ADGRG2: variants seen among roughly 807,000 people sequenced by gnomAD.
The protein encoded by ADGRG2 is G protein-coupled receptor 64.
ADGRG2 carries 26 observed loss-of-function variants against 74.1 expected under a neutral mutation model. The observed-to-expected ratio is 0.35, with a 90% CI of 0.26 to 0.49. ADGRG2 has a LOEUF of 0.49. ADGRG2 is among the 20% of genes least tolerant of loss of function. The pLI, the probability that ADGRG2 is intolerant of heterozygous loss-of-function variation, is 0.99. For missense variants in ADGRG2, 619 were observed against 763.1 expected, an observed-to-expected ratio of 0.81 and a Z score of 2.22; for synonymous variants, 296 against 295.2, an observed-to-expected ratio of 1.00 and a Z score of -0.03.
chrX:19,018,111 C>CTTTTAT (rs202100204), intron 15 of ADGRG2, among the ~76,000 whole-genome samples: 3 of 110,331 alleles, frequency 2.7e-5, no homozygotes, highest in East Asian at 2.8e-4. Flanking sequence ...GCCAGCAGGG[C>CTTTTAT]TTTTATTTTT....
chrX:18,996,077 C>G lies in ADGRG2; in HGVS notation c.2690G>C (p.Gly897Ala). ...RKQWRRYLCC[G>A]KLRLAENSDW... is the part of the protein sequence containing the mutation. ...AGAATTTTCAGCCAGCCGTAACTTT[C>G]CACAACAAAGATACCGCCTCCATTG... The change falls in exon 27 of 29, where the codon GGA becomes GCA. Residue 897 changes from glycine to alanine, a missense_variant. Gly to Ala is a moderately conservative substitution (Grantham distance 60). Coordinates refer to ENST00000379869, the MANE Select transcript of ADGRG2 (RefSeq NM_001079858.3). 8.5e-7 allele frequency: 1 copy of G among 1,176,249 alleles called. No homozygotes were observed. The highest frequency in any genetic ancestry group is 1.2e-6 in the Non-Finnish European group (1 of 864,225).
At position 18,999,039 on chromosome X, in the gene ADGRG2, G is replaced by A. The variant is rs749253033; in HGVS notation, c.2571C>T (p.Asn857=). The A allele has an allele frequency of 3.2e-5, 39 of 1,206,549 alleles. No homozygotes were observed. The highest frequency in any genetic ancestry group is 1.6e-4 in the South Asian group (9 of 56,697). The change falls in exon 26 of 29, where the codon AAC becomes AAT. Residue 857 remains asparagine, a synonymous_variant. Coordinates refer to ENST00000379869, the MANE Select transcript of ADGRG2 (RefSeq NM_001079858.3). ...GFAFFAWGPV[N]VTFMYLFAIF... ...TGGCAAACAGATACATGAAGGTCAC[G>A]TTAACTGGTCCCCAGGCAAAGAAGG...
intron 3 of ADGRG2, among the ~76,000 whole-genome samples, chrX:19,042,244 G>A (rs986591315): frequency 1.8e-5 from 2 of 111,794 alleles, no homozygotes; most frequent in Admixed American, 9.5e-5. Flanking sequence ...ACTGGGCAAC[G>A]TGGGAAAGCC....
At chrX:19,100,017 G>A (rs750386475) in intron 1 of ADGRG2, among the ~76,000 whole-genome samples, 29 of 111,427 alleles carry the variant, frequency 2.6e-4, no homozygotes, top group Non-Finnish European at 4.5e-4. Flanking sequence ...CTGGACAACA[G>A]AGCAAGACCC....
intron 26 of ADGRG2, among the ~76,000 whole-genome samples, chrX:18,997,510 C>A (rs1395981895): frequency 8.9e-6 from 1 of 111,854 alleles, no homozygotes; most frequent in East Asian, 2.8e-4. Context: ...TTCAGTATTG[C>A]CGTGGTTGGC....
intron 3 of ADGRG2, among the ~76,000 whole-genome samples, chrX:19,055,560 C>T (rs1443691247): frequency 9.0e-6 from 1 of 111,106 alleles, no homozygotes; most frequent in Non-Finnish European, 1.9e-5. Flanking sequence ...AGATATAGAG[C>T]ACTTCCGTTA....
At position 19,069,354 on chromosome X, in the gene ADGRG2, GTTTGT is replaced by G. The variant is rs1192371831; in HGVS notation, c.-1-524_-1-520del. On this transcript the variant is annotated intron_variant, in intron 2 of 28. Coordinates refer to ENST00000379869, the MANE Select transcript of ADGRG2 (RefSeq NM_001079858.3). ...CCCAGCTCCTATTCATGTTTTTTTTGTTTGTTTTTTGTTTTTTTTGAGACGGAGTT... is the reference window on the plus strand; with the variant it reads ...CCCAGCTCCTATTCATGTTTTTTTTGTTTTTGTTTTTTTTGAGACGGAGTT... 1.1e-3 allele frequency among the ~76,000 whole-genome samples: 127 copies of G among 110,455 alleles called. 1 individual carries two copies. The highest frequency in any genetic ancestry group is 4.0e-3 in the African/African-American group (121 of 30,248).
chrX:19,058,569 G>A (rs1330394707), intron 3 of ADGRG2, among the ~76,000 whole-genome samples: 1 of 111,633 alleles, frequency 9.0e-6, no homozygotes, highest in Admixed American at 9.6e-5. Flanking sequence ...TTATATCTTT[G>A]TTTATCTCTT....
intron 26 of ADGRG2, among the ~76,000 whole-genome samples, chrX:18,996,358 TTAAG>T (rs762566147): frequency 9.0e-6 from 1 of 111,398 alleles, no homozygotes; most frequent in South Asian, 3.8e-4. Flanking sequence ...CTTTGTAAGA[TTAAG>T]AATATTTATA....
chrX:19,020,023 TAA>T (rs754161113), intron 14 of ADGRG2, among the ~76,000 whole-genome samples: 1 of 111,526 alleles, frequency 9.0e-6, no homozygotes, highest in African/African-American at 3.3e-5. Context: ...ATGTGGAATC[TAA>T]AAAGTCAAAC....
chrX:19,032,570 C>T (rs1214948481), intron 8 of ADGRG2: 4 of 111,396 alleles, frequency 3.6e-5, no homozygotes, highest in Admixed American at 1.9e-4. Flanking sequence ...TTTTGTTTTT[C>T]CTACTGCTAG....
chrX:19,009,795 G>T lies in ADGRG2; in HGVS notation c.1266-13C>A, dbSNP rs1447018405. On this transcript the variant is annotated splice_polypyrimidine_tract_variant and intron_variant, in intron 17 of 28. Coordinates refer to ENST00000379869, the MANE Select transcript of ADGRG2 (RefSeq NM_001079858.3). The stretch of plus-strand genomic sequence containing the variant: ...TACTTTCAGCAATCTGTAAAGAAAG[G>T]TTGGCAGTTTATTATTTATTTATTT... The T allele has an allele frequency of 1.0e-5, 12 of 1,160,603 alleles. No homozygotes were observed. The highest frequency in any genetic ancestry group is 5.7e-5 in the South Asian group (3 of 53,006).
chrX:19,066,003 C>T (rs1290271625), intron 3 of ADGRG2, among the ~76,000 whole-genome samples: 3 of 111,876 alleles, frequency 2.7e-5, no homozygotes, highest in African/African-American at 9.7e-5. Flanking sequence ...TGCACCACCA[C>T]GCCCGGCTAA....
At position 19,045,599 on chromosome X, in the gene ADGRG2, C is replaced by T. The variant is rs772832707; in HGVS notation, c.119-5375G>A. On this transcript the variant is annotated intron_variant, in intron 3 of 28. Coordinates refer to ENST00000379869, the MANE Select transcript of ADGRG2 (RefSeq NM_001079858.3). ...CTGCAATTACAGGTGTGAGCCACCG[C>T]GCCTGGCCATAGGGTTTTATTATTA... 6.0e-4 allele frequency among the ~76,000 whole-genome samples: 66 copies of T among 110,208 alleles called. 1 individual carries two copies. The highest frequency in any genetic ancestry group is 4.9e-3 in the East Asian group (17 of 3,490).
At chrX:19,044,848 C>T (rs748594659) in intron 3 of ADGRG2, among the ~76,000 whole-genome samples, 6 of 111,790 alleles carry the variant, frequency 5.4e-5, no homozygotes, top group Non-Finnish European at 7.5e-5. Flanking sequence ...AACTGATCCA[C>T]GCTTCCTGTG....
intron 2 of ADGRG2, among the ~76,000 whole-genome samples, chrX:19,078,672 A>G (rs899698928): frequency 3.6e-5 from 4 of 111,569 alleles, no homozygotes; most frequent in African/African-American, 1.3e-4. Flanking sequence ...TATTTTAAAC[A>G]TACAAATTAG....
chrX:19,093,251 A>T (rs905792315), intron 1 of ADGRG2, among the ~76,000 whole-genome samples: 2 of 111,761 alleles, frequency 1.8e-5, no homozygotes, highest in Non-Finnish European at 3.8e-5. Flanking sequence ...TATCAAGGTC[A>T]TAACTTCCAC....
intron 3 of ADGRG2, among the ~76,000 whole-genome samples, chrX:19,049,438 G>GTTTTTTTTTTTTTTTTTTTTTTT (rs752686975): frequency 3.7e-5 from 3 of 82,166 alleles, no homozygotes; most frequent in African/African-American, 1.1e-4. Flanking sequence ...CGTTTTTTGT[G>GTTTTTTTTTTTTTTTTTTTTTTT]TTTTTTTTTT....
chrX:19,104,382 A>C (rs1015565802), intron 1 of ADGRG2, among the ~76,000 whole-genome samples: 10 of 110,650 alleles, frequency 9.0e-5, no homozygotes, highest in Admixed American at 3.9e-4. Context: ...CAGAAAATCA[A>C]CTCTGTTGAC....
Sources: gnomAD v4.1 joint callset for allele counts (sites outside exome capture counted in the v4.1 genomes callset) on GRCh38, gnomAD v4.1.1 for gene constraint, MANE v1.5 for transcripts, NCBI Gene and HGNC (gene_info 2026-07-23, HGNC 2026-07-21) for gene names.